EXOC4: variants seen among roughly 807,000 people sequenced by gnomAD.
The protein encoded by EXOC4 is SEC8-like 1.
In EXOC4, 71 loss-of-function variants were observed where a neutral mutation model predicts 107.2. That is an observed-to-expected ratio of 0.66 (90% confidence interval 0.55 to 0.81). The LOEUF (loss-of-function observed/expected upper bound fraction) is 0.81, where lower values mean the gene tolerates loss of function less well. Ranked by LOEUF, EXOC4 falls within the 30% of genes least tolerant of loss-of-function variation. EXOC4 has a pLI of 0.00. For missense variants in EXOC4, 1,108 were observed against 1,189.6 expected, an observed-to-expected ratio of 0.93 and a Z score of 1.01; for synonymous variants, 456 against 441.2, an observed-to-expected ratio of 1.03 and a Z score of -0.42.
chr7:133,962,726 T>C (rs1398793061), intron 14 of EXOC4, among the ~76,000 whole-genome samples: 2 of 152,248 alleles, frequency 1.3e-5, no homozygotes, highest in African/African-American at 2.4e-5. Context: ...TATAATTCTT[T>C]TGAGGTTTTT....
intron 11 of EXOC4, among the ~76,000 whole-genome samples, chr7:133,834,834 G>T (rs1301820219): frequency 6.6e-6 from 1 of 152,158 alleles, no homozygotes; most frequent in African/African-American, 2.4e-5. Flanking sequence ...ATCTTGAATT[G>T]TAACTCCCAC....
intron 7 of EXOC4, among the ~76,000 whole-genome samples, chr7:133,402,394 A>G (rs916630996): frequency 6.6e-6 from 1 of 152,246 alleles, no homozygotes; most frequent in Non-Finnish European, 1.5e-5. Flanking sequence ...GGTGCTTCTC[A>G]AGCTTTAACA....
intron 10 of EXOC4, among the ~76,000 whole-genome samples, chr7:133,794,581 C>T (rs943862835): frequency 6.6e-6 from 1 of 152,200 alleles, no homozygotes; most frequent in African/African-American, 2.4e-5. Context: ...ACCTAAGAGG[C>T]ACTACCCTCA....
chr7:133,329,585 G>A (rs1053884681), intron 5 of EXOC4, among the ~76,000 whole-genome samples: 1 of 152,208 alleles, frequency 6.6e-6, no homozygotes, highest in Admixed American at 6.5e-5. Context: ...TTTGAAGTCG[G>A]TGACCTTCAG....
chr7:133,443,236 A>G (rs1036139856), intron 7 of EXOC4, among the ~76,000 whole-genome samples: 5 of 152,192 alleles, frequency 3.3e-5, no homozygotes, highest in African/African-American at 1.2e-4. Context: ...TAGAAGCACT[A>G]TCAGACACAG....
chr7:133,472,048 A>G (rs531327898), intron 7 of EXOC4, among the ~76,000 whole-genome samples: 20 of 152,360 alleles, frequency 1.3e-4, no homozygotes, highest in African/African-American at 4.8e-4. Context: ...TAGGCCTTCT[A>G]GAAATGAGAA....
chr7:133,923,973 T>C (rs1166586825), intron 13 of EXOC4, among the ~76,000 whole-genome samples: 1 of 144,968 alleles, frequency 6.9e-6, no homozygotes, highest in African/African-American at 2.7e-5. Context: ...GTCATGACTA[T>C]AGTGTAGAGA....
chr7:134,052,255 C>G (rs925296380), intron 17 of EXOC4, among the ~76,000 whole-genome samples: 6 of 152,040 alleles, frequency 3.9e-5, no homozygotes, highest in Non-Finnish European at 7.4e-5. Flanking sequence ...GGGTTTGTTT[C>G]TTGATTTGTT....
chr7:133,702,437 C>T (rs1015839935), intron 10 of EXOC4, among the ~76,000 whole-genome samples: 2 of 149,382 alleles, frequency 1.3e-5, no homozygotes, highest in African/African-American at 4.9e-5. Flanking sequence ...ATCATGGGCT[C>T]AAGCAATTCT....
In EXOC4 at chr7:133,700,981, GA is replaced by G. The variant is rs935718707; in HGVS notation, c.1514+70850del. On this transcript the variant is annotated intron_variant, in intron 10 of 17. Transcript: ENST00000253861. ...CATAGCAAGACCCTGTCTGTATCAA[GA>G]AAAAAAAAATATAATGTATTCTTAC... Among the ~76,000 whole-genome samples, 56 of 146,934 alleles carry G rather than the reference GA, an allele frequency of 3.8e-4. No homozygotes were observed. In the South Asian group the frequency reaches 7.6e-3, roughly 20 times the overall value.
the EXOC4 span, among the ~76,000 whole-genome samples, chr7:134,089,888 T>A: frequency 3.9e-5 from 6 of 152,170 alleles, no homozygotes; most frequent in Non-Finnish European, 7.3e-5. Flanking sequence ...TGCTTCAAAG[T>A]AGGTAAACTG....
intron 9 of EXOC4, among the ~76,000 whole-genome samples, chr7:133,571,122 T>C (rs1403104303): frequency 6.6e-6 from 1 of 152,172 alleles, no homozygotes; most frequent in Admixed American, 6.5e-5. Flanking sequence ...GAACGATATT[T>C]TTTAAAGTGA....
At chr7:134,073,072 G>A in the EXOC4 span, among the ~76,000 whole-genome samples, 2 of 151,688 alleles carry the variant, frequency 1.3e-5, no homozygotes, top group African/African-American at 4.8e-5. Flanking sequence ...CGGGCATAGT[G>A]GCGGGTGCTT....
intron 12 of EXOC4, among the ~76,000 whole-genome samples, chr7:133,914,083 G>C (rs1019346762): frequency 2.6e-5 from 4 of 152,294 alleles, no homozygotes; most frequent in East Asian, 1.9e-4. Context: ...GTGGAGTAAT[G>C]GTTCTAGAAC....
rs61225754 is a variant in EXOC4, at chr7:133,649,467, C to CTTTTTTTTT, written c.1514+19336_1514+19344dup. On this transcript the variant is annotated intron_variant, in intron 10 of 17. Coordinates refer to ENST00000253861, the MANE Select transcript of EXOC4 (RefSeq NM_021807.4). ...TGTGTGTGAAGCATTACTACTTTTT[C>CTTTTTTTTT]TTTTTTTTTTTTTTTTTTAACCAGT... Among the ~76,000 whole-genome samples the CTTTTTTTTT allele has an allele frequency of 8.2e-5, 7 of 85,360 alleles. 1 individual carries two copies. The highest frequency in any genetic ancestry group is 1.6e-4 in the Admixed American group (1 of 6,242). The allele number at this position is 85,360 out of a possible 152,430, so 56.0% of individuals were successfully genotyped here.
chr7:133,424,195 C>G (rs1797670575), intron 7 of EXOC4, among the ~76,000 whole-genome samples: 1 of 152,114 alleles, frequency 6.6e-6, no homozygotes, highest in African/African-American at 2.4e-5. Context: ...TGGTAGCTTT[C>G]TCTTTGTAAT....
chr7:133,938,168 C>A (rs533494662), intron 14 of EXOC4, 99 bp downstream of exon 14: 16 of 1,186,340 alleles, frequency 1.3e-5, no homozygotes, highest in Non-Finnish European at 1.9e-5. Context: ...CGTATGGGGG[C>A]GTGTCCCAAG....
At chr7:134,076,685 A>C in the EXOC4 span, among the ~76,000 whole-genome samples, 2 of 144,064 alleles carry the variant, frequency 1.4e-5, no homozygotes, top group Non-Finnish European at 3.0e-5. Context: ...CTAACATAGA[A>C]AAAACTATCA....
intron 9 of EXOC4, among the ~76,000 whole-genome samples, chr7:133,595,395 G>A (rs1801643064): frequency 1.3e-5 from 2 of 152,084 alleles, no homozygotes; most frequent in South Asian, 2.1e-4. Flanking sequence ...TAAATAATTT[G>A]CTTTTATTGC....
Sources: allele counts gnomAD v4.1 joint callset (sites outside exome capture counted in the v4.1 genomes callset), GRCh38; gene constraint gnomAD v4.1.1; transcripts MANE v1.5; gene names NCBI Gene and HGNC (gene_info 2026-07-23, HGNC 2026-07-21).